The following NEGR1 variants were observed in gnomAD, a reference collection of about 807,000 sequenced individuals.
NEGR1 encodes the protein neuronal growth regulator 1.
In NEGR1, 10 loss-of-function variants were observed where a neutral mutation model predicts 40.9. The ratio of observed to expected loss-of-function variants is 0.24; its 90% confidence interval spans 0.15 to 0.42. The LOEUF is 0.42. Ranked by LOEUF, NEGR1 falls within the 10% of genes least tolerant of loss-of-function variation. NEGR1 has a pLI of 1.00. For missense variants in NEGR1, 352 were observed against 438.9 expected (o/e 0.80, Z 1.77); for synonymous variants, 185 against 166.8 (o/e 1.11, Z -0.84).
At chr1:71,460,066 C>CA (rs1484742931) in intron 6 of NEGR1, among the ~76,000 whole-genome samples, 1 of 152,158 alleles carries the variant, frequency 6.6e-6, no homozygotes, top group African/African-American at 2.4e-5. Context: ...TCTGTCCCTT[C>CA]AAAGTACATA....
chr1:71,835,920 A>ATG (rs147144618), intron 2 of NEGR1, among the ~76,000 whole-genome samples: 6 of 152,006 alleles, frequency 3.9e-5, no homozygotes, highest in Admixed American at 2.6e-4. Context: ...AGTCTATAGT[A>ATG]TGTGTGTGTG....
intron 1 of NEGR1, among the ~76,000 whole-genome samples, chr1:72,238,338 A>C (rs1035441518): frequency 2.0e-5 from 3 of 151,946 alleles, no homozygotes; most frequent in Admixed American, 6.6e-5. Context: ...TAATTAAAAT[A>C]CATGTAAAGT....
At chr1:71,422,238 T>G (rs1646399363) in intron 6 of NEGR1, among the ~76,000 whole-genome samples, 1 of 152,210 alleles carries the variant, frequency 6.6e-6, no homozygotes, top group Non-Finnish European at 1.5e-5. Flanking sequence ...GGATTTCAAT[T>G]TAACGTTAAA....
intron 4 of NEGR1, among the ~76,000 whole-genome samples, chr1:71,681,619 T>C (rs1474870242): frequency 6.6e-6 from 1 of 152,218 alleles, no homozygotes; most frequent in East Asian, 1.9e-4. Context: ...GGAATTCCTG[T>C]TTCAGAATGA....
At chr1:71,701,782 A>C (rs934222169) in intron 3 of NEGR1, among the ~76,000 whole-genome samples, 2 of 152,114 alleles carry the variant, frequency 1.3e-5, no homozygotes, top group African/African-American at 4.8e-5. Flanking sequence ...CAATAGGTAA[A>C]GAAAGACACG....
intron 6 of NEGR1, among the ~76,000 whole-genome samples, chr1:71,443,450 T>G (rs1038465225): frequency 2.0e-5 from 3 of 152,224 alleles, no homozygotes; most frequent in African/African-American, 7.2e-5. Context: ...TTTTTTTAGT[T>G]ATATGTTATC....
chr1:72,078,898 C>T (rs1243726969), intron 1 of NEGR1, among the ~76,000 whole-genome samples: 1 of 150,914 alleles, frequency 6.6e-6, no homozygotes, highest in East Asian at 1.9e-4. Context: ...CCTCGGCCTC[C>T]CAAAGTGCTG....
At chr1:71,787,862 G>GAA (rs1656968442) in intron 2 of NEGR1, among the ~76,000 whole-genome samples, 1 of 152,230 alleles carries the variant, frequency 6.6e-6, no homozygotes, top group Admixed American at 6.5e-5. Context: ...TTTTGGCTTT[G>GAA]AAAGACACAA....
chr1:71,700,106 T>C (rs1164930953), intron 3 of NEGR1, among the ~76,000 whole-genome samples: 2 of 152,112 alleles, frequency 1.3e-5, no homozygotes, highest in East Asian at 3.9e-4. Flanking sequence ...GGTAGATCAA[T>C]TTATTTGTTT....
chr1:71,859,077 C>T (rs1659865774), intron 2 of NEGR1, among the ~76,000 whole-genome samples: 1 of 152,014 alleles, frequency 6.6e-6, no homozygotes, highest in Non-Finnish European at 1.5e-5. Context: ...TGGTGTTCAC[C>T]CTCCAATGGC....
intron 1 of NEGR1, among the ~76,000 whole-genome samples, chr1:72,012,099 T>A (rs1305521205): frequency 6.6e-6 from 1 of 152,112 alleles, no homozygotes; most frequent in South Asian, 2.1e-4. Flanking sequence ...AATAAGTATA[T>A]GAAATTATTG....
At chr1:71,450,902 A>G (rs1646622552) in intron 6 of NEGR1, among the ~76,000 whole-genome samples, 3 of 152,102 alleles carry the variant, frequency 2.0e-5, no homozygotes, top group Non-Finnish European at 2.9e-5. Flanking sequence ...ATGATTAAAT[A>G]TTACTTACAG....
intron 4 of NEGR1, among the ~76,000 whole-genome samples, chr1:71,621,236 C>CT (rs1046763942): frequency 2.6e-5 from 4 of 151,860 alleles, no homozygotes; most frequent in East Asian, 1.9e-4. Context: ...CCATAGCCTA[C>CT]TTTTTTTAGC....
At chr1:71,859,661 G>C (rs1659886135) in intron 2 of NEGR1, among the ~76,000 whole-genome samples, 1 of 151,762 alleles carries the variant, frequency 6.6e-6, no homozygotes, top group Non-Finnish European at 1.5e-5. Context: ...TGAATTTGCT[G>C]CCCCTAGATC....
At chr1:72,258,485 G>GA (rs1022768752) in intron 1 of NEGR1, among the ~76,000 whole-genome samples, 4 of 151,952 alleles carry the variant, frequency 2.6e-5, no homozygotes, top group Admixed American at 1.3e-4. Flanking sequence ...GACTTAGAGT[G>GA]AAAAAAGCTG....
At chr1:71,704,883 C>G (rs1270903323) in intron 3 of NEGR1, among the ~76,000 whole-genome samples, 1 of 151,612 alleles carries the variant, frequency 6.6e-6, no homozygotes, top group Non-Finnish European at 1.5e-5. Flanking sequence ...GTATACCAAT[C>G]TAGGGATATA....
chr1:71,563,608 TG>T (rs1648528599), intron 6 of NEGR1, among the ~76,000 whole-genome samples: 1 of 151,858 alleles, frequency 6.6e-6, no homozygotes, highest in Non-Finnish European at 1.5e-5. Flanking sequence ...AGCACAAAAA[TG>T]GTAAAGACAT....
At chr1:72,165,292 C>T (rs1210834323) in intron 1 of NEGR1, among the ~76,000 whole-genome samples, 2 of 151,962 alleles carry the variant, frequency 1.3e-5, no homozygotes, top group Non-Finnish European at 2.9e-5. Context: ...ACAGAAGATA[C>T]ACTGTTTAGT....
chr1:71,883,607 G>T (rs1246666916), intron 2 of NEGR1, among the ~76,000 whole-genome samples: 1 of 151,926 alleles, frequency 6.6e-6, no homozygotes, highest in Admixed American at 6.6e-5. Flanking sequence ...TTAAGTTCTA[G>T]GGTACATGTG....
Sources: allele counts gnomAD v4.1 joint callset (sites outside exome capture counted in the v4.1 genomes callset), GRCh38; gene constraint gnomAD v4.1.1; transcripts MANE v1.5; gene names NCBI Gene and HGNC (gene_info 2026-07-23, HGNC 2026-07-21).